The following MAPKAPK5 variants were observed in gnomAD, a reference collection of about 807,000 sequenced individuals.
MAPKAPK5 encodes the protein MAPK activated protein kinase 5, also known as MAP kinase-activated protein kinase 5.
A neutral mutation model predicts 65.1 loss-of-function variants in MAPKAPK5; 30 were observed. That is an observed-to-expected ratio of 0.46 (90% CI 0.34 to 0.63). MAPKAPK5 has a LOEUF of 0.63. MAPKAPK5 is among the 20% of genes least tolerant of loss of function. MAPKAPK5 has a pLI of 0.01. For missense variants in MAPKAPK5, 433 were observed against 581.4 expected, an observed-to-expected ratio of 0.74 and a Z score of 2.63; for synonymous variants, 179 against 204.6, an observed-to-expected ratio of 0.87 and a Z score of 1.07.
intron 4 of MAPKAPK5, among the ~76,000 whole-genome samples, chr12:111,868,184 G>C (rs1301456728): frequency 6.6e-6 from 1 of 152,170 alleles, no homozygotes; most frequent in Non-Finnish European, 1.5e-5. Flanking sequence ...AGCATATTGG[G>C]TGGCATTCTA....
At chr12:111,892,234 A>G (rs936043091) in intron 13 of MAPKAPK5, among the ~76,000 whole-genome samples, 13 of 152,180 alleles carry the variant, frequency 8.5e-5, no homozygotes, top group Non-Finnish European at 1.6e-4. Context: ...AGATTTGGGG[A>G]ATTAAGAAAA....
intron 1 of MAPKAPK5, among the ~76,000 whole-genome samples, chr12:111,845,266 A>C (rs1348851296): frequency 1.3e-5 from 2 of 152,062 alleles, no homozygotes; most frequent in African/African-American, 4.8e-5. Flanking sequence ...CTGGGACTAC[A>C]GGCGCACACC....
intron 1 of MAPKAPK5, among the ~76,000 whole-genome samples, chr12:111,862,105 TATGTGAGAAA>T (rs2069459687): frequency 6.8e-6 from 1 of 146,906 alleles, no homozygotes; most frequent in South Asian, 2.1e-4. Flanking sequence ...GTCATTAAAA[TATGTGAGAAA>T]ATGTGCCAGC....
intron 9 of MAPKAPK5, among the ~76,000 whole-genome samples, chr12:111,884,968 T>C (rs903339107): frequency 1.1e-4 from 17 of 152,214 alleles, no homozygotes; most frequent in Non-Finnish European, 2.4e-4. Flanking sequence ...GGAACGTGGG[T>C]GCAATGATTA....
Position 111,890,080 on chromosome 12 carries a change from G to T in MAPKAPK5, c.1257G>T (p.Glu419Asp). The T allele has an allele frequency of 6.3e-7, 1 of 1,599,818 alleles. No individual in the cohort carries two copies. Among genetic ancestry groups the T allele is most frequent in the Non-Finnish European group, 8.5e-7 (1 of 1,173,460 alleles). ...EDEKLNEVMQ[E>D]AWKYNRECKL... ...AGAAACTGAATGAAGTAATGCAGGA[G>T]GCTTGGAAGTATAACCGGGAATGCA... The change falls in exon 13 of 14, where the codon GAG (glutamate) becomes GAT (aspartate). Residue 419 changes from glutamate to aspartate, a missense_variant. Coordinates refer to ENST00000550735, the MANE Select transcript of MAPKAPK5 (RefSeq NM_003668.4).
At chr12:111,892,675 T>TATA (rs1445856983) in intron 13 of MAPKAPK5, among the ~76,000 whole-genome samples, 1 of 152,234 alleles carries the variant, frequency 6.6e-6, no homozygotes, top group Non-Finnish European at 1.5e-5. Flanking sequence ...ATTCTTTATA[T>TATA]ATTCTGGATA....
chr12:111,878,786 C>T (rs559291548), intron 7 of MAPKAPK5, among the ~76,000 whole-genome samples: 80 of 152,222 alleles, frequency 5.3e-4, no homozygotes, highest in African/African-American at 1.8e-3. Flanking sequence ...CTTTTCTCTG[C>T]GGCATTGCTT....
chr12:111,852,066 G>A (rs556384689), intron 1 of MAPKAPK5, among the ~76,000 whole-genome samples: 1 of 152,196 alleles, frequency 6.6e-6, no homozygotes, highest in Non-Finnish European at 1.5e-5. Context: ...TAGACAATTT[G>A]CCAGAAGGGT....
At position 111,864,745 on chromosome 12, in the gene MAPKAPK5, T is replaced by C. The variant is rs575364420; in HGVS notation, c.37-505T>C. 3.4e-4 allele frequency among the ~76,000 whole-genome samples: 52 copies of C among 152,346 alleles called. 1 individual carries two copies. In the South Asian group the frequency reaches 9.3e-3, roughly 27 times the overall value. ...GGTGTTGGAAATTAGATGTTTACTA[T>C]GATATTGATTAGTTACTATTTTTTT... On this transcript the variant is annotated intron_variant, in intron 1 of 13. Coordinates refer to ENST00000550735, the MANE Select transcript of MAPKAPK5 (RefSeq NM_003668.4).
chr12:111,867,040 C>T (rs572914638), intron 3 of MAPKAPK5, among the ~76,000 whole-genome samples: 45 of 152,280 alleles, frequency 3.0e-4, no homozygotes, highest in Admixed American at 8.5e-4. Flanking sequence ...AGTGATCCTT[C>T]TACCTCAGCC....
chr12:111,856,527 G>A (rs558388854), intron 1 of MAPKAPK5, among the ~76,000 whole-genome samples: 13 of 150,784 alleles, frequency 8.6e-5, no homozygotes, highest in African/African-American at 2.7e-4. Flanking sequence ...CCATCCCAGC[G>A]TCCTGAGTAG....
chr12:111,881,833 G>T (rs2070243249), intron 8 of MAPKAPK5, among the ~76,000 whole-genome samples: 1 of 152,214 alleles, frequency 6.6e-6, no homozygotes, highest in South Asian at 2.1e-4. Context: ...GACAGAAGGG[G>T]CTGAGAATGG....
At chr12:111,884,170 T>C (rs919910631) in intron 9 of MAPKAPK5, among the ~76,000 whole-genome samples, 3 of 152,160 alleles carry the variant, frequency 2.0e-5, no homozygotes, top group Non-Finnish European at 4.4e-5. Context: ...GCTGTGGTTA[T>C]GTGGGTTTGT....
At chr12:111,866,303 C>A in intron 3 of MAPKAPK5, 72 bp downstream of exon 3, 1 of 1,363,980 alleles carries the variant, frequency 7.3e-7, no homozygotes, top group Non-Finnish European at 1.0e-6. Flanking sequence ...AGTAAGGCAG[C>A]TTCCTAGAGA....
rs534799064 is a variant in MAPKAPK5 at position 111,895,683 on chromosome 12, A to T, written c.*2622A>T. 6.6e-6 allele frequency: 1 copy of T among 151,328 alleles called. No homozygotes were observed. The highest frequency in any genetic ancestry group is 2.1e-4 in the South Asian group (1 of 4,748). The allele number at this position is 151,328 out of a possible 1,614,324, so 9.4% of individuals were successfully genotyped here. ...GTAGCTGGGACTACAGGCACACACC[A>T]CCACGCCCAGCTAATTTTTGTGTTT... On this transcript the variant is annotated 3_prime_UTR_variant, in exon 14 of 14. Transcript: ENST00000550735.
chr12:111,848,501 TC>T (rs2068972629), intron 1 of MAPKAPK5, among the ~76,000 whole-genome samples: 1 of 150,420 alleles, frequency 6.6e-6, no homozygotes, highest in African/African-American at 2.5e-5. Flanking sequence ...GCAACCACCG[TC>T]TCCCGGGTTC....
chr12:111,889,848 G>GT (rs1296177814), intron 12 of MAPKAPK5, 192 bp from the exon 13 acceptor site: 1 of 521,420 alleles, frequency 1.9e-6, no homozygotes, highest in Non-Finnish European at 3.5e-6. Flanking sequence ...AGATGTCAGA[G>GT]TAAAAAAGAG....
chr12:111,846,190 C>A lies in MAPKAPK5; in HGVS notation c.36+3421C>A, dbSNP rs2068902370. Among the ~76,000 whole-genome samples, 2 of 152,144 alleles carry A rather than the reference C, an allele frequency of 1.3e-5. 1 individual carries two copies. The highest frequency in any genetic ancestry group is 4.1e-4 in the South Asian group (2 of 4,828). ...CTTTGGAAGCAAGCCAGCATTACAT[C>A]AAATAAAAAACATTTGGTCTGTGGC... On this transcript the variant is annotated intron_variant, in intron 1 of 13. Coordinates refer to ENST00000550735, the MANE Select transcript of MAPKAPK5 (RefSeq NM_003668.4).
At chr12:111,881,865 C>A (rs1052707485) in intron 8 of MAPKAPK5, among the ~76,000 whole-genome samples, 4 of 152,186 alleles carry the variant, frequency 2.6e-5, no homozygotes, top group South Asian at 4.1e-4. Context: ...TAGGCTGGGA[C>A]ACTTGCTGTG....
Sources: allele counts gnomAD v4.1 joint callset (sites outside exome capture counted in the v4.1 genomes callset), GRCh38; gene constraint gnomAD v4.1.1; transcripts MANE v1.5; gene names NCBI Gene and HGNC (gene_info 2026-07-23, HGNC 2026-07-21).